ASTN2: variants seen among roughly 807,000 people sequenced by gnomAD.
ASTN2 encodes astrotactin-2.
In ASTN2, 54 loss-of-function variants were observed where a neutral mutation model predicts 139.8. That is an observed-to-expected ratio of 0.39 (90% confidence interval 0.31 to 0.48). ASTN2 has a LOEUF of 0.48. ASTN2 is among the 20% of genes least tolerant of loss of function. The pLI, the probability that ASTN2 is intolerant of heterozygous loss-of-function variation, is 0.95. For synonymous variants in ASTN2, 756 were observed against 719.5 expected, an observed-to-expected ratio of 1.05 and a Z score of -0.81; for missense variants, 1,565 against 1,725.1, an observed-to-expected ratio of 0.91 and a Z score of 1.64.
chr9:117,311,010 C>T (rs1827958190), intron 1 of ASTN2, among the ~76,000 whole-genome samples: 1 of 152,154 alleles, frequency 6.6e-6, no homozygotes, highest in African/African-American at 2.4e-5. Context: ...ATATGCCCTT[C>T]ATTGGCTCCC....
At chr9:116,448,239 G>A (rs1404026703) in intron 20 of ASTN2, among the ~76,000 whole-genome samples, 1 of 152,182 alleles carries the variant, frequency 6.6e-6, no homozygotes, top group Non-Finnish European at 1.5e-5. Flanking sequence ...ACACAGCTTT[G>A]GCAAACAACT....
intron 2 of ASTN2, among the ~76,000 whole-genome samples, chr9:117,285,282 C>CTTTTTTTTTTTTT (rs57546484): frequency 7.7e-6 from 1 of 130,142 alleles, no homozygotes; most frequent in Admixed American, 7.9e-5. Flanking sequence ...TTGTAAAAAG[C>CTTTTTTTTTTTTT]TTTTTTTTTT....
intron 19 of ASTN2, among the ~76,000 whole-genome samples, chr9:116,570,232 G>A (rs4837633): frequency 0.16 from 24,420 of 151,920 alleles, 2,117 homozygotes; most frequent in African/African-American, 0.22. Flanking sequence ...TCATATAGTG[G>A]GTTTACAATT....
intron 17 of ASTN2, among the ~76,000 whole-genome samples, chr9:116,646,140 A>G (rs1163355184): frequency 1.3e-5 from 2 of 152,226 alleles, no homozygotes. Context: ...GAAACATCCA[A>G]ACCCAAGCCG....
chr9:116,935,608 A>G (rs931085185), intron 10 of ASTN2, among the ~76,000 whole-genome samples: 31 of 152,382 alleles, frequency 2.0e-4, no homozygotes, highest in Middle Eastern at 6.8e-3. Context: ...ACACAGTCTA[A>G]AGCACTGGTC....
intron 7 of ASTN2, among the ~76,000 whole-genome samples, chr9:117,004,578 C>T (rs1837302199): frequency 6.6e-6 from 1 of 152,118 alleles, no homozygotes; most frequent in Admixed American, 6.5e-5. Flanking sequence ...ACAGGTGTCC[C>T]ATTGAGAGGT....
At position 116,758,883 on chromosome 9, in the gene ASTN2, G is replaced by C. The variant is rs914682928; in HGVS notation, c.2397-25360C>G. Among the ~76,000 whole-genome samples the C allele has an allele frequency of 2.1e-4, 32 of 152,212 alleles. 1 individual carries two copies. The South Asian group carries it at 4.2e-3, about 20-fold the overall frequency. On this transcript the variant is annotated intron_variant, in intron 13 of 22. Coordinates refer to ENST00000313400, the MANE Select transcript of ASTN2 (RefSeq NM_001365068.1). ...ACACATGTTGGATAAATAAGCCACT[G>C]TGTTCCTTTTATTTTATTTTTTCTT...
In ASTN2 at chr9:117,122,347, A is replaced by G. The variant is rs537138693; in HGVS notation, c.1168+18979T>C. Among the ~76,000 whole-genome samples, 283 of 152,290 alleles carry G rather than the reference A, an allele frequency of 1.9e-3. 1 individual carries two copies. The highest frequency in any genetic ancestry group is 6.4e-3 in the African/African-American group (267 of 41,572). ...ATCACAATTAGGTCCAAGCAAGCTC[A>G]AGGGATACAAATAAACTGCAGTAGC... On this transcript the variant is annotated intron_variant, in intron 4 of 22. Coordinates refer to ENST00000313400, the MANE Select transcript of ASTN2 (RefSeq NM_001365068.1).
At position 116,472,679 on chromosome 9, in the gene ASTN2, A is replaced by T. The variant is rs149844068; in HGVS notation, c.3497+14680T>A. Among the ~76,000 whole-genome samples the T allele has an allele frequency of 2.4e-3, 364 of 151,886 alleles. 3 individuals carry two copies. The highest frequency in any genetic ancestry group is 8.5e-3 in the African/African-American group (352 of 41,412). Reference sequence around the variant, plus strand: ...AGCACCTTGGGAGGCTGAGGCAGGCAGATCATTTGAGGTCAGGAGTTCAAG... The same window carrying T: ...AGCACCTTGGGAGGCTGAGGCAGGCTGATCATTTGAGGTCAGGAGTTCAAG... On this transcript the variant is annotated intron_variant, in intron 20 of 22. Transcript: ENST00000313400.
chr9:116,450,356 T>C (rs1011230109), intron 20 of ASTN2, among the ~76,000 whole-genome samples: 1 of 152,202 alleles, frequency 6.6e-6, no homozygotes, highest in African/African-American at 2.4e-5. Context: ...TTGAAAGTAC[T>C]GAATGTAGTA....
intron 10 of ASTN2, among the ~76,000 whole-genome samples, chr9:116,873,718 T>C (rs1345755036): frequency 6.6e-6 from 1 of 152,196 alleles, no homozygotes; most frequent in East Asian, 1.9e-4. Flanking sequence ...TGGGAGGTGA[T>C]TGGATCATGG....
chr9:116,437,149 T>C (rs988554251), intron 22 of ASTN2: 8 of 348,812 alleles, frequency 2.3e-5, no homozygotes, highest in Non-Finnish European at 3.9e-5. Context: ...ATGGCACATG[T>C]AACTAACCTG....
chr9:117,160,552 T>G (rs1830525984), intron 3 of ASTN2, among the ~76,000 whole-genome samples: 1 of 152,120 alleles, frequency 6.6e-6, no homozygotes, highest in Admixed American at 6.6e-5. Context: ...CAACTTGTTC[T>G]GCTTTATTCT....
chr9:117,218,977 T>G (rs1832423668), intron 2 of ASTN2, among the ~76,000 whole-genome samples: 1 of 152,190 alleles, frequency 6.6e-6, no homozygotes, highest in African/African-American at 2.4e-5. Flanking sequence ...AAACCAGTGA[T>G]AGGAGAAAAT....
At chr9:116,784,470 G>A (rs1022270252) in intron 13 of ASTN2, among the ~76,000 whole-genome samples, 5 of 152,178 alleles carry the variant, frequency 3.3e-5, no homozygotes, top group African/African-American at 1.2e-4. Context: ...ATTGACTAAG[G>A]TCATGTGGTG....
chr9:116,827,897 G>T (rs1831682614), intron 11 of ASTN2, among the ~76,000 whole-genome samples: 1 of 149,968 alleles, frequency 6.7e-6, no homozygotes, highest in Non-Finnish European at 1.5e-5. Flanking sequence ...TATCAGGCCA[G>T]TATCACCCTG....
chr9:117,002,363 C>T (rs1837215085), intron 7 of ASTN2, among the ~76,000 whole-genome samples: 1 of 152,090 alleles, frequency 6.6e-6, no homozygotes, highest in Non-Finnish European at 1.5e-5. Context: ...GGGTGGAAGA[C>T]ATTTCAGGTG....
intron 10 of ASTN2, among the ~76,000 whole-genome samples, chr9:116,959,678 T>C (rs1682045233): frequency 1.3e-5 from 2 of 152,040 alleles, no homozygotes; most frequent in South Asian, 4.2e-4. Context: ...GCCAGGCAGA[T>C]CCATTGCAAG....
At chr9:116,555,597 G>C (rs1382352843) in intron 19 of ASTN2, among the ~76,000 whole-genome samples, 1 of 152,110 alleles carries the variant, frequency 6.6e-6, no homozygotes, top group African/African-American at 2.4e-5. Flanking sequence ...CTGACCTCTG[G>C]GAAAGCTATT....
Sources: gnomAD v4.1 joint callset for allele counts (sites outside exome capture counted in the v4.1 genomes callset) on GRCh38, gnomAD v4.1.1 for gene constraint, MANE v1.5 for transcripts, NCBI Gene and HGNC (gene_info 2026-07-23, HGNC 2026-07-21) for gene names.